RIPOR2: variants seen among roughly 807,000 people sequenced by gnomAD.
RIPOR2 encodes the protein RHO family interacting cell polarization regulator 2.
A neutral mutation model predicts 114.5 loss-of-function variants in RIPOR2; 39 were observed. That is an observed-to-expected ratio of 0.34 (90% CI 0.26 to 0.44). The LOEUF is 0.44. RIPOR2 is among the 20% of genes least tolerant of loss of function. The pLI is 1.00. For synonymous variants in RIPOR2, 445 were observed against 484.4 expected, an observed-to-expected ratio of 0.92 and a Z score of 1.07; for missense variants, 1,007 against 1,255.1, an observed-to-expected ratio of 0.80 and a Z score of 2.99.
chr6:24,951,492 C>T (rs1481664138), intron 1 of RIPOR2, among the ~76,000 whole-genome samples: 1 of 152,178 alleles, frequency 6.6e-6, no homozygotes, highest in African/African-American at 2.4e-5. Context: ...AGGATCCCTT[C>T]AAAAGCAGCT....
At chr6:24,839,066 A>C (rs1044235346) in intron 14 of RIPOR2, 25 bp downstream of exon 14, 17 of 1,532,880 alleles carry the variant, frequency 1.1e-5, no homozygotes, top group Non-Finnish European at 1.4e-5. Context: ...GGAGAAATAT[A>C]AGGAGACACT....
intron 1 of RIPOR2, among the ~76,000 whole-genome samples, chr6:24,986,919 T>TA (rs11358710): frequency 0.23 from 33,889 of 145,696 alleles, 4,419 homozygotes; most frequent in East Asian, 0.52. Flanking sequence ...GCTGATGAGC[T>TA]AAAAAAAAAA....
chr6:24,893,059 G>T lies in RIPOR2; in HGVS notation c.62-17242C>A, dbSNP rs185846176. Among the ~76,000 whole-genome samples, 23 of 152,286 alleles carry T rather than the reference G, an allele frequency of 1.5e-4. 1 individual carries two copies. The highest frequency in any genetic ancestry group is 9.2e-4 in the Admixed American group (14 of 15,282). On this transcript the variant is annotated intron_variant, in intron 1 of 21. Transcript: ENST00000643898. ...AAAAACCAAAACAAAACAAAAGTGT[G>T]CATACTCTTGAGATGCAGTGGAAGC...
At chr6:24,967,336 G>C (rs1044679177) in intron 1 of RIPOR2, among the ~76,000 whole-genome samples, 1 of 152,282 alleles carries the variant, frequency 6.6e-6, no homozygotes, top group South Asian at 2.1e-4. Context: ...GGGGAAGTTT[G>C]GTCCAAGATA....
chr6:24,994,341 T>C (rs1027076610), intron 1 of RIPOR2, among the ~76,000 whole-genome samples: 4 of 152,180 alleles, frequency 2.6e-5, no homozygotes, highest in Non-Finnish European at 2.9e-5. Flanking sequence ...ACAGGTCAGG[T>C]AATACCATTT....
chr6:25,027,692 A>G (rs1322897109), intron 1 of RIPOR2, among the ~76,000 whole-genome samples: 1 of 152,192 alleles, frequency 6.6e-6, no homozygotes, highest in African/African-American at 2.4e-5. Context: ...TGAGTCACCA[A>G]ATCCCTGAGC....
chr6:24,914,101 G>A (rs906002925), intron 1 of RIPOR2, among the ~76,000 whole-genome samples: 1 of 152,080 alleles, frequency 6.6e-6, no homozygotes, highest in African/African-American at 2.4e-5. Flanking sequence ...TTGGGAGGCC[G>A]AGGTGGGTGG....
intron 8 of RIPOR2, among the ~76,000 whole-genome samples, chr6:24,852,850 G>A (rs1431444533): frequency 6.6e-6 from 1 of 152,218 alleles, no homozygotes; most frequent in African/African-American, 2.4e-5. Flanking sequence ...CAAGGCAGGG[G>A]AGGCTGGGCA....
intron 1 of RIPOR2, among the ~76,000 whole-genome samples, chr6:25,033,476 C>T (rs1777097473): frequency 6.6e-6 from 1 of 152,128 alleles, no homozygotes; most frequent in South Asian, 2.1e-4. Context: ...CAGCATTTTT[C>T]CAAGAAGCCC....
intron 2 of RIPOR2, 98 bp downstream of exon 2, chr6:24,875,593 C>T (rs941785438): frequency 1.5e-5 from 17 of 1,136,658 alleles, no homozygotes; most frequent in South Asian, 9.2e-5. Flanking sequence ...GGCCGGGGGG[C>T]GGTTTGACAA....
At chr6:24,970,282 G>C (rs1334469535) in intron 1 of RIPOR2, among the ~76,000 whole-genome samples, 1 of 152,190 alleles carries the variant, frequency 6.6e-6, no homozygotes, top group African/African-American at 2.4e-5. Flanking sequence ...CCCCTACAAA[G>C]TCTTCAATAA....
chr6:25,022,695 G>A (rs899925640), intron 1 of RIPOR2, among the ~76,000 whole-genome samples: 1 of 151,270 alleles, frequency 6.6e-6, no homozygotes, highest in Non-Finnish European at 1.5e-5. Context: ...ACAGGTGTGT[G>A]CCACCACCCC....
upstream of RIPOR2, among the ~76,000 whole-genome samples, chr6:24,937,535 G>T (rs1187750315): frequency 6.6e-6 from 1 of 152,112 alleles, no homozygotes; most frequent in Non-Finnish European, 1.5e-5. Flanking sequence ...CTGGACAAGG[G>T]TTGCACTTAG....
intron 19 of RIPOR2, among the ~76,000 whole-genome samples, chr6:24,820,525 G>A (rs760751329): frequency 4.6e-5 from 7 of 152,088 alleles, no homozygotes; most frequent in Non-Finnish European, 1.0e-4. Flanking sequence ...TCATTCCCAA[G>A]ACCCTTTCTC....
chr6:24,876,031 C>T (rs560029768), intron 1 of RIPOR2, among the ~76,000 whole-genome samples: 16 of 152,242 alleles, frequency 1.1e-4, no homozygotes, highest in Non-Finnish European at 5.9e-5. Flanking sequence ...TGGCTCACAC[C>T]TGTAATCCCA....
rs777328809 is a variant in RIPOR2 at position 24,883,269 on chromosome 6, T to C, written c.62-7452A>G. ...TCAGTTCTCGCCAAGGCATTTCTCA[T>C]GGGGGCCAAACGTCAACTTGGAAAC... On this transcript the variant is annotated intron_variant, in intron 1 of 21. Transcript: ENST00000643898. The surrounding 1 kb of genome is among the most constrained non-coding windows in gnomAD (Gnocchi z 4.1). 2.6e-5 allele frequency among the ~76,000 whole-genome samples: 4 copies of C among 152,172 alleles called. No homozygotes were observed. Among genetic ancestry groups the C allele is most frequent in the Non-Finnish European group, 5.9e-5 (4 of 68,026 alleles).
At chr6:24,950,876 C>T (rs1772714807) in intron 1 of RIPOR2, among the ~76,000 whole-genome samples, 1 of 152,206 alleles carries the variant, frequency 6.6e-6, no homozygotes, top group South Asian at 2.1e-4. Context: ...CTGACCTCTG[C>T]AGTACCATAG....
At position 24,953,743 on chromosome 6, in the gene RIPOR2, A is replaced by G. The variant is rs367711016; in HGVS notation, c.77-77926T>C. Among the ~76,000 whole-genome samples, 34 of 152,352 alleles carry G rather than the reference A, an allele frequency of 2.2e-4. 1 individual carries two copies. In the South Asian group the frequency reaches 6.6e-3, roughly 30 times the overall value. The stretch of plus-strand genomic sequence containing the variant: ...CAAAGACACAAAGAAGAATCTGAAC[A>G]GTCTTCAAAACATTCCCCCAGTTTA... On this transcript the variant is annotated intron_variant, in intron 1 of 13. Transcript: ENST00000510784.
intron 1 of RIPOR2, 40 bp from the exon 2 acceptor site, chr6:24,875,857 G>T: frequency 6.4e-7 from 1 of 1,560,612 alleles, no homozygotes; most frequent in African/African-American, 1.4e-5. Flanking sequence ...TTATAGGCAG[G>T]TTCAGACAGA....
Sources: allele counts gnomAD v4.1 joint callset (sites outside exome capture counted in the v4.1 genomes callset), GRCh38; gene constraint gnomAD v4.1.1; non-coding constraint Gnocchi (gnomAD v3.1); transcripts MANE v1.5; gene names NCBI Gene and HGNC (gene_info 2026-07-23, HGNC 2026-07-21).